ADAMTS9: variants seen among roughly 807,000 people sequenced by gnomAD.
ADAMTS9 encodes ADAM metallopeptidase with thrombospondin type 1 motif 9, also known as A disintegrin and metalloproteinase with thrombospondin motifs 9.
Under a neutral mutation model 257.1 loss-of-function variants are expected in ADAMTS9, and 107 were observed. That is an observed-to-expected ratio of 0.42 (90% CI 0.36 to 0.49). The LOEUF (loss-of-function observed/expected upper bound fraction) is 0.49. ADAMTS9 is among the 20% of genes least tolerant of loss of function. ADAMTS9 has a pLI of 0.03. For missense variants in ADAMTS9, 2,353 were observed against 2,469.1 expected (o/e 0.95, Z 1.00); for synonymous variants, 982 against 880.9 (o/e 1.11, Z -2.03).
At chr3:64,685,901 C>G (rs1021949878) in intron 2 of ADAMTS9, among the ~76,000 whole-genome samples, 1 of 152,160 alleles carries the variant, frequency 6.6e-6, no homozygotes, top group South Asian at 2.1e-4. Flanking sequence ...GCTGCACCCC[C>G]ACTCTCGGTT....
intron 3 of ADAMTS9, among the ~76,000 whole-genome samples, chr3:64,678,753 T>C (rs900211894): frequency 1.3e-5 from 2 of 152,224 alleles, no homozygotes; most frequent in Non-Finnish European, 1.5e-5. Flanking sequence ...CTTGACCTGT[T>C]GGTCCATTCC....
intron 39 of ADAMTS9, among the ~76,000 whole-genome samples, chr3:64,519,644 A>G (rs1044619077): frequency 1.3e-5 from 2 of 152,212 alleles, no homozygotes; most frequent in African/African-American, 4.8e-5. Context: ...ATCATTCAAC[A>G]TATGCAAGTC....
chr3:64,552,576 T>A (rs965209863), intron 30 of ADAMTS9, among the ~76,000 whole-genome samples: 1 of 117,098 alleles, frequency 8.5e-6, no homozygotes, highest in Non-Finnish European at 1.8e-5. Context: ...TTTTCTTTCC[T>A]TTTTTTTTTT....
In ADAMTS9 at chr3:64,546,913, C is replaced by G; in HGVS notation, c.4909G>C (p.Val1637Leu). The change falls in exon 32 of 40, where the codon GTC becomes CTC. Residue 1637 changes from valine to leucine, a missense_variant. By Grantham distance (32) the Val-to-Leu change is conservative. This residue lies in a region of ADAMTS9 where 1,402 missense variants were observed against 1,441.4 expected (regional missense o/e 0.97). Transcript: ENST00000498707. ...TCGKGYKQRL[V>L]SCSEIYTGKE... is the part of the protein sequence containing the mutation. ...CCGGTGTAAATCTCGCTGCACGAGA[C>G]AAGCCTTTGTTTGTAGCCTTTTCCA... 2.5e-6 allele frequency: 4 copies of G among 1,612,940 alleles called. No homozygotes were observed. The highest frequency in any genetic ancestry group is 3.4e-6 in the Non-Finnish European group (4 of 1,179,450).
chr3:64,645,175 A>C (rs1388246571), intron 11 of ADAMTS9, among the ~76,000 whole-genome samples: 3 of 152,222 alleles, frequency 2.0e-5, no homozygotes, highest in African/African-American at 7.2e-5. Context: ...GTGAAATAAG[A>C]GCCAAAATAA....
rs138860285 is a variant in ADAMTS9, at chr3:64,546,788, C to G, written c.5034G>C (p.Ser1678=). 3 of 1,609,952 alleles carry G rather than the reference C, an allele frequency of 1.9e-6. No homozygotes were observed. The highest frequency in any genetic ancestry group is 3.4e-5 in the Admixed American group (2 of 59,654). The part of the protein sequence containing the change: ...HPCYLRDCPV[S]ATWRVGNWGS... Reference sequence around the variant, plus strand: ...CCCAGTTGCCAACTCTCCAGGTGGCCGAGACAGGGCAGTCCCTCAGGTAAC... The same window carrying G: ...CCCAGTTGCCAACTCTCCAGGTGGCGGAGACAGGGCAGTCCCTCAGGTAAC... The change falls in exon 32 of 40, where the codon TCG becomes TCC. Residue 1678 remains serine (S), a synonymous_variant. Transcript: ENST00000498707.
In ADAMTS9 at chr3:64,686,782, C is replaced by T; in HGVS notation, c.302G>A (p.Arg101His). 3 of 1,614,022 alleles carry T rather than the reference C, an allele frequency of 1.9e-6. No individual in the cohort carries two copies. The highest frequency in any genetic ancestry group is 2.5e-6 in the Non-Finnish European group (3 of 1,180,012). ...AAACTGCTGGCCGAAGGCAGAGAGG[C>T]GGTAATGCGCCTGGGAGGAGGTAGA... Reference protein sequence around the residue: ...SSSTSSQAHYRLSAFGQQFLF... With the variant: ...SSSTSSQAHYHLSAFGQQFLF... The change falls in exon 2 of 40, where the codon CGC becomes CAC. Residue 101 changes from arginine (R) to histidine (H), a missense_variant. Physicochemically the swap from Arg to His is conservative, Grantham distance 29 (BLOSUM62 0). Around this residue, in one of 3 missense-constraint regions of ADAMTS9, gnomAD observed 591 missense variants for 569.6 expected, o/e 1.04. Transcript: ENST00000498707. This position sits in a 1 kb window ranked among gnomAD's most constrained non-coding sequence, Gnocchi z 4.6.
intron 3 of ADAMTS9, among the ~76,000 whole-genome samples, chr3:64,672,793 C>G (rs1701525599): frequency 6.6e-6 from 1 of 152,078 alleles, no homozygotes; most frequent in South Asian, 2.1e-4. Flanking sequence ...GCAAACTGGC[C>G]CTTCTGGGCT....
intron 26 of ADAMTS9, among the ~76,000 whole-genome samples, chr3:64,597,718 T>C (rs951298793): frequency 1.3e-5 from 2 of 152,204 alleles, no homozygotes; most frequent in Non-Finnish European, 1.5e-5. Flanking sequence ...TGTTTGCATT[T>C]CATTTCATTT....
At chr3:64,674,763 C>T (rs1264293933) in intron 3 of ADAMTS9, among the ~76,000 whole-genome samples, 2 of 152,194 alleles carry the variant, frequency 1.3e-5, no homozygotes, top group African/African-American at 4.8e-5. Flanking sequence ...CATAGGCTGC[C>T]CCAGAATGTT....
In ADAMTS9 at chr3:64,541,266, A is replaced by C. The variant is rs3796383; in HGVS notation, c.5388-38T>G. 0.79 allele frequency: 1,273,997 copies of C among 1,613,708 alleles called. 523,545 individuals carry two copies. Among genetic ancestry groups the C allele is most frequent in the Non-Finnish European group, 0.86 (1,009,151 of 1,179,790 alleles). Reference sequence around the variant, plus strand: ...GAGAATGTTCTGGTAAGGATGGGAAAGCATTTCCAGGGATCTCCAGGCCTC... The same window carrying C: ...GAGAATGTTCTGGTAAGGATGGGAACGCATTTCCAGGGATCTCCAGGCCTC... On this transcript the variant is annotated intron_variant, in intron 35 of 39. Coordinates refer to ENST00000498707, the MANE Select transcript of ADAMTS9 (RefSeq NM_182920.2).
At chr3:64,650,104 G>T (rs1700894986) in intron 9 of ADAMTS9, 1 of 215,962 alleles carries the variant, frequency 4.6e-6, no homozygotes, top group Non-Finnish European at 9.1e-6. Flanking sequence ...GGCAAAGATA[G>T]TGTCTTTTTC....
intron 16 of ADAMTS9, among the ~76,000 whole-genome samples, chr3:64,628,873 C>T (rs955081554): frequency 1.3e-5 from 2 of 152,110 alleles, no homozygotes; most frequent in African/African-American, 4.8e-5. Context: ...ATATCAGTAG[C>T]TGAAGATGTA....
In ADAMTS9 at chr3:64,568,232, A is replaced by T. The variant is rs2083589176; in HGVS notation, c.4524+136T>A. On this transcript the variant is annotated intron_variant, in intron 29 of 39. Coordinates refer to ENST00000498707, the MANE Select transcript of ADAMTS9 (RefSeq NM_182920.2). ...TAGTAAGTATCCTGACTATCTAGGT[A>T]ATGATTCTCCCCTCCCAGTCCCCGA... The T allele has an allele frequency of 1.5e-5, 13 of 847,086 alleles. No individual in the cohort carries two copies. The South Asian group carries it at 2.4e-4, about 16-fold the overall frequency. 52.5% of individuals were successfully genotyped at this position (847,086 alleles called of 1,614,324 possible).
chr3:64,572,642 C>T (rs1576045709), intron 28 of ADAMTS9, among the ~76,000 whole-genome samples: 1 of 152,086 alleles, frequency 6.6e-6, no homozygotes, highest in East Asian at 1.9e-4. Context: ...ACATCCAAAA[C>T]AAGATGGATT....
At chr3:64,648,321 T>C (rs1326193830) in intron 10 of ADAMTS9, among the ~76,000 whole-genome samples, 1 of 152,142 alleles carries the variant, frequency 6.6e-6, no homozygotes, top group Non-Finnish European at 1.5e-5. Context: ...CTAGGTTCCT[T>C]TCCCTTCCTT....
intron 38 of ADAMTS9, among the ~76,000 whole-genome samples, chr3:64,531,140 GAA>G (rs2082976075): frequency 1.3e-5 from 2 of 151,770 alleles, no homozygotes; most frequent in Non-Finnish European, 2.9e-5. Context: ...CTGAGATGGA[GAA>G]GAGAGAGAGT....
intron 38 of ADAMTS9, among the ~76,000 whole-genome samples, chr3:64,528,833 C>A (rs554312032): frequency 3.9e-5 from 6 of 152,180 alleles, no homozygotes; most frequent in Admixed American, 6.5e-5. Context: ...CCACTACAGT[C>A]CCCATTTTAT....
chr3:64,633,358 C>T (rs768390092), intron 14 of ADAMTS9, 114 bp downstream of exon 14: 1 of 1,473,498 alleles, frequency 6.8e-7, no homozygotes, highest in Non-Finnish European at 9.1e-7. Context: ...CTTTGAGAAC[C>T]ACTGCCCTGG....
Sources: gnomAD v4.1 joint callset for allele counts (sites outside exome capture counted in the v4.1 genomes callset) on GRCh38, gnomAD v4.1.1 for gene constraint, gnomAD v4.1.1 regional missense constraint, Gnocchi (gnomAD v3.1) non-coding constraint, MANE v1.5 for transcripts, NCBI Gene and HGNC (gene_info 2026-07-23, HGNC 2026-07-21) for gene names.